The following THRB variants were observed in gnomAD, a reference collection of about 807,000 sequenced individuals.
THRB encodes the protein thyroid hormone receptor beta.
A neutral mutation model predicts 47.8 loss-of-function variants in THRB; 12 were observed. That is an observed-to-expected ratio of 0.25 (90% CI 0.16 to 0.41). The LOEUF is 0.41. THRB is among the 10% of genes least tolerant of loss of function. The pLI, the probability that THRB is intolerant of heterozygous loss-of-function variation, is 1.00. For synonymous variants in THRB, 218 were observed against 212.2 expected, an observed-to-expected ratio of 1.03 and a Z score of -0.24; for missense variants, 348 against 589.2, an observed-to-expected ratio of 0.59 and a Z score of 4.24.
At chr3:24,169,629 A>G (rs2040155015) in intron 5 of THRB, among the ~76,000 whole-genome samples, 1 of 150,252 alleles carries the variant, frequency 6.7e-6, no homozygotes, top group African/African-American at 2.4e-5. Context: ...ACTTAGAATG[A>G]TGACTGGCCT....
intron 5 of THRB, among the ~76,000 whole-genome samples, chr3:24,160,359 A>G (rs2038610318): frequency 1.3e-5 from 2 of 152,190 alleles, no homozygotes; most frequent in African/African-American, 2.4e-5. Context: ...GTGGTGGTGC[A>G]GAGGATGGGG....
At chr3:24,141,653 C>T (rs779087819) in intron 8 of THRB, among the ~76,000 whole-genome samples, 1 of 152,238 alleles carries the variant, frequency 6.6e-6, no homozygotes, top group Non-Finnish European at 1.5e-5. Context: ...TGGAAAGAAG[C>T]ACCTTATGAC....
chr3:24,280,181 G>C (rs1449890070), intron 3 of THRB, among the ~76,000 whole-genome samples: 1 of 152,182 alleles, frequency 6.6e-6, no homozygotes, highest in East Asian at 1.9e-4. Context: ...GGTGATTTCT[G>C]CATTTCCATC....
intron 8 of THRB, among the ~76,000 whole-genome samples, chr3:24,142,069 G>A (rs1034461267): frequency 6.6e-6 from 1 of 152,208 alleles, no homozygotes; most frequent in Non-Finnish European, 1.5e-5. Context: ...GAGGCTTTTT[G>A]GGTTTGTGCA....
At position 24,328,513 on chromosome 3, in the gene THRB, T is replaced by C. The variant is rs1365543426; in HGVS notation, c.-189+8787A>G. Among the ~76,000 whole-genome samples, 3 of 152,214 alleles carry C rather than the reference T, an allele frequency of 2.0e-5. No homozygotes were observed. In the East Asian group the frequency reaches 5.8e-4, roughly 29 times the overall value. On this transcript the variant is annotated intron_variant, in intron 2 of 10. Coordinates refer to ENST00000646209, the MANE Select transcript of THRB (RefSeq NM_001354712.2). ...GATCTCTTCCCCTTGTCTTCCCTAGTTCAGTGAATGTCACCTACTTACACC... is the reference window on the plus strand; with the variant it reads ...GATCTCTTCCCCTTGTCTTCCCTAGCTCAGTGAATGTCACCTACTTACACC...
At chr3:24,235,351 T>A (rs933144564) in intron 3 of THRB, among the ~76,000 whole-genome samples, 2 of 152,140 alleles carry the variant, frequency 1.3e-5, no homozygotes, top group African/African-American at 4.8e-5. Flanking sequence ...GAAAAATCTT[T>A]CCACGTAGAC....
intron 1 of THRB, among the ~76,000 whole-genome samples, chr3:24,450,101 C>A (rs2072497073): frequency 6.6e-6 from 1 of 152,092 alleles, no homozygotes; most frequent in Non-Finnish European, 1.5e-5. Context: ...TTAAAGAAAG[C>A]ATCATAACTT....
intron 5 of THRB, among the ~76,000 whole-genome samples, chr3:24,183,385 G>A (rs980493118): frequency 2.7e-5 from 1 of 37,160 alleles, no homozygotes; most frequent in Admixed American, 2.7e-4. Flanking sequence ...TTTTTTTTTT[G>A]AGACAGAGTC....
chr3:24,287,176 C>T (rs1179632375), intron 3 of THRB, among the ~76,000 whole-genome samples: 1 of 152,088 alleles, frequency 6.6e-6, no homozygotes, highest in Admixed American at 6.6e-5. Context: ...CATATTCTTT[C>T]CTTTGCCACT....
chr3:24,464,355 T>G lies in THRB; in HGVS notation c.-261+30297A>C, dbSNP rs1316522152. The stretch of plus-strand genomic sequence containing the variant: ...AAAATAAATCTATGTCATTAAACTT[T>G]AGCCCAAATAATCAATGGTGATGAC... On this transcript the variant is annotated intron_variant, in intron 1 of 10. Transcript: ENST00000646209. 3.3e-5 allele frequency among the ~76,000 whole-genome samples: 5 copies of G among 152,246 alleles called. No individual in the cohort carries two copies. In the East Asian group the frequency reaches 9.6e-4, roughly 29 times the overall value.
At chr3:24,352,647 C>T (rs561606637) in intron 1 of THRB, among the ~76,000 whole-genome samples, 139 of 152,168 alleles carry the variant, frequency 9.1e-4, no homozygotes, top group Non-Finnish European at 1.4e-3. Flanking sequence ...AACCTACAAA[C>T]GCACAATGCA....
At chr3:24,124,942 G>C (rs567740052) in intron 10 of THRB, among the ~76,000 whole-genome samples, 2 of 152,170 alleles carry the variant, frequency 1.3e-5, no homozygotes, top group Non-Finnish European at 2.9e-5. Flanking sequence ...ATTGTGAAAA[G>C]TTATTAAGTT....
intron 1 of THRB, among the ~76,000 whole-genome samples, chr3:24,367,474 C>G (rs2064558566): frequency 6.6e-6 from 1 of 152,130 alleles, no homozygotes; most frequent in East Asian, 1.9e-4. Flanking sequence ...TACCAACATT[C>G]AGGCTTGATA....
At chr3:24,428,241 G>A (rs924508613) in intron 1 of THRB, among the ~76,000 whole-genome samples, 5 of 152,014 alleles carry the variant, frequency 3.3e-5, no homozygotes, top group African/African-American at 1.2e-4. Context: ...ATATTATTGA[G>A]TACCTACTAT....
chr3:24,421,014 A>G (rs2069208225), intron 1 of THRB, among the ~76,000 whole-genome samples: 1 of 152,024 alleles, frequency 6.6e-6, no homozygotes, highest in Admixed American at 6.6e-5. Flanking sequence ...AATACTATGC[A>G]GCCATAAAAA....
rs1043858421 is a variant in THRB, at chr3:24,164,307, A to G, written c.284-11817T>C. 1.3e-5 allele frequency among the ~76,000 whole-genome samples: 2 copies of G among 152,202 alleles called. 1 individual carries two copies. The highest frequency in any genetic ancestry group is 2.9e-5 in the Non-Finnish European group (2 of 68,020). On this transcript the variant is annotated intron_variant, in intron 5 of 10. Coordinates refer to ENST00000646209, the MANE Select transcript of THRB (RefSeq NM_001354712.2). ...GTCTATTAAGATAAATGGATATCGT[A>G]CTGGTTTTAATATTGGCTATTTTGA...
chr3:24,214,253 G>C (rs2046342675), intron 4 of THRB, among the ~76,000 whole-genome samples: 1 of 152,142 alleles, frequency 6.6e-6, no homozygotes, highest in Admixed American at 6.5e-5. Flanking sequence ...TAAAATGGCT[G>C]GTGCAGGGCT....
chr3:24,339,646 C>G (rs539480137), intron 1 of THRB, among the ~76,000 whole-genome samples: 1 of 152,072 alleles, frequency 6.6e-6, no homozygotes, highest in African/African-American at 2.4e-5. Flanking sequence ...CGAGAACAAA[C>G]CAAATTAGAG....
At chr3:24,465,534 C>G (rs984379671) in intron 1 of THRB, among the ~76,000 whole-genome samples, 16 of 152,140 alleles carry the variant, frequency 1.1e-4, no homozygotes, top group Non-Finnish European at 2.9e-5. Flanking sequence ...TCCCAAGTAT[C>G]TGGAATTACA....
Sources: gnomAD v4.1 joint callset for allele counts (sites outside exome capture counted in the v4.1 genomes callset) on GRCh38, gnomAD v4.1.1 for gene constraint, MANE v1.5 for transcripts, NCBI Gene and HGNC (gene_info 2026-07-23, HGNC 2026-07-21) for gene names.